MTPAP: variants seen among roughly 807,000 people sequenced by gnomAD.
The protein encoded by MTPAP is mitochondrial poly(A) polymerase.
MTPAP carries 23 observed loss-of-function variants against 48.7 expected under a neutral mutation model. The ratio of observed to expected loss-of-function variants is 0.47; its 90% CI spans 0.34 to 0.67. The LOEUF is 0.67. Ranked by LOEUF, MTPAP falls within the 30% of genes least tolerant of loss-of-function variation. The pLI is 0.01. For missense variants in MTPAP, 614 were observed against 694.3 expected (o/e 0.88, Z 1.30); for synonymous variants, 257 against 254.1 (o/e 1.01, Z -0.11).
rs554571797 is a variant in MTPAP at position 30,320,777 on chromosome 10, G to T, written c.1219+1614C>A. Among the ~76,000 whole-genome samples, 7 of 152,262 alleles carry T rather than the reference G, an allele frequency of 4.6e-5. No individual in the cohort carries two copies. The South Asian group carries it at 1.5e-3, about 32-fold the overall frequency. On this transcript the variant is annotated intron_variant, in intron 6 of 8. Coordinates refer to ENST00000263063, the MANE Select transcript of MTPAP (RefSeq NM_018109.4). Reference sequence around the variant, plus strand: ...ACCAGTACTTGTAAGACTGAAGGGAGCAATCAAGATGCTTAGGAGTAGTCT... The same window carrying T: ...ACCAGTACTTGTAAGACTGAAGGGATCAATCAAGATGCTTAGGAGTAGTCT...
intron 5 of MTPAP, among the ~76,000 whole-genome samples, chr10:30,324,255 C>T (rs998847982): frequency 2.0e-5 from 3 of 152,098 alleles, no homozygotes; most frequent in Admixed American, 6.6e-5. Flanking sequence ...CTGTGGCTCA[C>T]GCCTGTAGTC....
At chr10:30,338,019 G>A (rs143439499) in intron 3 of MTPAP, among the ~76,000 whole-genome samples, 1 of 152,262 alleles carries the variant, frequency 6.6e-6, no homozygotes, top group African/African-American at 2.4e-5. Context: ...TGAACTACTG[G>A]GAGGCCAAGG....
At chr10:30,344,725 G>T (rs1357420556) in intron 1 of MTPAP, among the ~76,000 whole-genome samples, 1 of 152,164 alleles carries the variant, frequency 6.6e-6, no homozygotes, top group African/African-American at 2.4e-5. Context: ...TTATTTTCCA[G>T]ACAGAGTCTC....
chr10:30,341,613 C>A lies in MTPAP; in HGVS notation c.185G>T (p.Arg62Ile). 3 of 1,614,086 alleles carry A rather than the reference C, an allele frequency of 1.9e-6. No homozygotes were observed. Among genetic ancestry groups the A allele is most frequent in the Non-Finnish European group, 2.5e-6 (3 of 1,180,006 alleles). ...TCTTTCATTTTGCATCTCAGAGAAT[C>A]TCCTTTTGGGAATCTTGTCTTCAAA... is the stretch of plus-strand genomic sequence containing the variant. The part of the protein sequence containing the change: ...TGFEDKIPKR[R>I]FSEMQNERRE... The change falls in exon 2 of 9, where the codon AGA becomes ATA. Residue 62 changes from arginine (R) to isoleucine (I), a missense_variant. Physicochemically the swap from Arg to Ile is moderately conservative, Grantham distance 97. This residue lies in a region of MTPAP where 125 missense variants were observed against 111.5 expected (regional missense o/e 1.12). Transcript: ENST00000263063.
Position 30,316,033 on chromosome 10 carries a change from A to G in MTPAP, c.1316T>C (p.Leu439Ser), listed in dbSNP as rs1168580164. 6.2e-7 allele frequency: 1 copy of G among 1,611,838 alleles called. No individual in the cohort carries two copies. The highest frequency in any genetic ancestry group is 2.2e-5 in the East Asian group (1 of 44,848). Residue 439 changes from leucine to serine, a missense_variant, in exon 8 of 9, where the codon TTA becomes TCA. Physicochemically the swap from Leu to Ser is moderately radical, Grantham distance 145. This residue lies in a region of MTPAP where 261 missense variants were observed against 355.4 expected (regional missense o/e 0.73). Coordinates refer to ENST00000263063, the MANE Select transcript of MTPAP (RefSeq NM_018109.4). ...KPSQNTETLE[L>S]LLKEFFEYFG... ...ATACTCAAAAAATTCCTTCAGTAGT[A>G]ATTCTGTAAGAAAATAAAACAAGGA...
At chr10:30,322,679 T>A in intron 5 of MTPAP, 62 bp from the exon 6 acceptor site, 1 of 1,203,462 alleles carries the variant, frequency 8.3e-7, no homozygotes, top group Non-Finnish European at 1.2e-6. Flanking sequence ...AGGGTAAAAT[T>A]AAACTCAAAC....
intron 4 of MTPAP, among the ~76,000 whole-genome samples, chr10:30,334,886 C>A (rs1834710166): frequency 6.6e-6 from 1 of 152,052 alleles, no homozygotes; most frequent in Non-Finnish European, 1.5e-5. Context: ...GAAGTGGAAA[C>A]AGAATGTAGT....
Position 30,336,832 on chromosome 10 carries a change from C to G in MTPAP, c.751G>C (p.Asp251His). The change falls in exon 4 of 9, where the codon GAT (aspartate) becomes CAT (histidine). Residue 251 changes from aspartate (D) to histidine (H), a missense_variant. Asp to His is a moderately conservative substitution (Grantham distance 81). Around this residue, in one of 5 missense-constraint regions of MTPAP, gnomAD observed 261 missense variants for 355.4 expected, o/e 0.73. Coordinates refer to ENST00000263063, the MANE Select transcript of MTPAP (RefSeq NM_018109.4). ...GCDLDMFLDL[D>H]ETRNLSAHKI... ...TGAGCGCTGAGGTTTCTGGTTTCAT[C>G]TAGATCCAAAAACATGTCCAAATCA... is the stretch of plus-strand genomic sequence containing the variant. 1.2e-6 allele frequency: 2 copies of G among 1,611,896 alleles called. No homozygotes were observed. Among genetic ancestry groups the G allele is most frequent in the Non-Finnish European group, 1.7e-6 (2 of 1,179,504 alleles).
chr10:30,338,840 C>A (rs1834762001), intron 3 of MTPAP, among the ~76,000 whole-genome samples: 2 of 151,796 alleles, frequency 1.3e-5, no homozygotes, highest in Admixed American at 1.3e-4. Flanking sequence ...AACACCAAGA[C>A]AGGCCAGGTG....
At chr10:30,336,091 C>A (rs1834727723) in intron 4 of MTPAP, among the ~76,000 whole-genome samples, 1 of 151,938 alleles carries the variant, frequency 6.6e-6, no homozygotes, top group Non-Finnish European at 1.5e-5. Context: ...AGAAATTAGT[C>A]CAAGAATTAT....
intron 2 of MTPAP, 96 bp from the exon 3 acceptor site, chr10:30,340,546 A>T: frequency 1.1e-6 from 1 of 905,850 alleles, no homozygotes; most frequent in African/African-American, 1.6e-5. Context: ...ATAATGCTAC[A>T]AAATATCAAG....
At chr10:30,337,362 T>G (rs1834742028) in intron 3 of MTPAP, among the ~76,000 whole-genome samples, 2 of 152,052 alleles carry the variant, frequency 1.3e-5, no homozygotes, top group Admixed American at 1.3e-4. Flanking sequence ...AGGCAGAGGT[T>G]GTGGTGAGCC....
Position 30,338,095 on chromosome 10 carries a change from C to CA in MTPAP, c.556-1069dup, listed in dbSNP as rs879328058. 3.2e-3 allele frequency among the ~76,000 whole-genome samples: 452 copies of CA among 139,600 alleles called. 1 individual carries two copies. The highest frequency in any genetic ancestry group is 0.01 in the African/African-American group (386 of 38,158). 91.6% of individuals were successfully genotyped at this position (139,600 alleles called of 152,430 possible). Reference sequence around the variant, plus strand: ...CAACGTGATGAAACCCTGACTCTACCAAAAAAAAAAATACAAAAACTAGCT... The same window carrying CA: ...CAACGTGATGAAACCCTGACTCTACCAAAAAAAAAAAATACAAAAACTAGCT... On this transcript the variant is annotated intron_variant, in intron 3 of 8. Coordinates refer to ENST00000263063, the MANE Select transcript of MTPAP (RefSeq NM_018109.4).
chr10:30,310,894 C>T lies in MTPAP; in HGVS notation c.*2715G>A, dbSNP rs914020399. ...AGCCTGGGTGACAGAGCAAGATTTG[C>T]TCTCAAAAAAAAAAACAAAAAACAA... On this transcript the variant is annotated 3_prime_UTR_variant, in exon 9 of 9. Transcript: ENST00000263063. 2.8e-5 allele frequency: 4 copies of T among 143,220 alleles called. No individual in the cohort carries two copies. The highest frequency in any genetic ancestry group is 1.1e-4 in the African/African-American group (4 of 35,992). The allele number at this position is 143,220 out of a possible 1,614,324, so 8.9% of individuals were successfully genotyped here.
Position 30,313,650 on chromosome 10 carries a change from T to A in MTPAP, c.1708A>T (p.Thr570Ser), listed in dbSNP as rs1271354426. ...ATTGTTCTCTTCCCACTGGTTTTTG[T>A]GAAATTTTCTGTTCTGTTACCTTTT... is the stretch of plus-strand genomic sequence containing the variant. The part of the protein sequence containing the change: ...SLKGNRTENF[T>S]KTSGKRTIST... Residue 570 changes from threonine to serine, a missense_variant, in exon 9 of 9, where the codon ACA becomes TCA. By Grantham distance (58) the Thr-to-Ser change is moderately conservative (BLOSUM62 1). Coordinates refer to ENST00000263063, the MANE Select transcript of MTPAP (RefSeq NM_018109.4). The A allele has an allele frequency of 6.2e-7, 1 of 1,614,222 alleles. No individual in the cohort carries two copies. The highest frequency in any genetic ancestry group is 1.1e-5 in the South Asian group (1 of 91,086).
At chr10:30,334,664 A>T (rs1374669870) in intron 4 of MTPAP, among the ~76,000 whole-genome samples, 1 of 152,186 alleles carries the variant, frequency 6.6e-6, no homozygotes, top group Non-Finnish European at 1.5e-5. Flanking sequence ...CCGTCTTAAA[A>T]AAAGAAAAAT....
At chr10:30,344,743 T>A (rs976804897) in intron 1 of MTPAP, among the ~76,000 whole-genome samples, 1 of 152,208 alleles carries the variant, frequency 6.6e-6, no homozygotes, top group Non-Finnish European at 1.5e-5. Context: ...CTCACTCTAT[T>A]GCCCAGGCTG....
chr10:30,341,443 GT>G, intron 2 of MTPAP, 24 bp downstream of exon 2: 1 of 1,606,230 alleles, frequency 6.2e-7, no homozygotes, highest in South Asian at 1.1e-5. Context: ...TAAACGTTAA[GT>G]TAGATTGTTT....
At chr10:30,344,661 G>A (rs1321326550) in intron 1 of MTPAP, among the ~76,000 whole-genome samples, 2 of 152,188 alleles carry the variant, frequency 1.3e-5, no homozygotes, top group African/African-American at 4.8e-5. Flanking sequence ...AGTCTAAACT[G>A]ATGTCCAACT....
Sources: allele counts gnomAD v4.1 joint callset (sites outside exome capture counted in the v4.1 genomes callset), GRCh38; gene constraint gnomAD v4.1.1; regional missense constraint gnomAD v4.1.1; transcripts MANE v1.5; gene names NCBI Gene and HGNC (gene_info 2026-07-23, HGNC 2026-07-21).